Variants in PRPF31 observed in about 807,000 individuals in gnomAD.
PRPF31 encodes the protein U4/U6 small nuclear ribonucleoprotein Prp31.
PRPF31 carries 12 observed loss-of-function variants against 60.4 expected under a neutral mutation model. The observed-to-expected ratio is 0.20, with a 90% CI of 0.13 to 0.32. The LOEUF is 0.32. Among genes scored for constraint, PRPF31 ranks in the 10% least tolerant of loss-of-function variants. PRPF31 has a pLI of 1.00. For missense variants in PRPF31, 431 were observed against 687.1 expected, an observed-to-expected ratio of 0.63 and a Z score of 4.17; for synonymous variants, 287 against 287.9, an observed-to-expected ratio of 1.00 and a Z score of 0.03.
At chr19:54,130,634 A>AG (rs2074029428) in intron 13 of PRPF31, among the ~76,000 whole-genome samples, 1 of 151,032 alleles carries the variant, frequency 6.6e-6, no homozygotes, top group South Asian at 2.1e-4. Context: ...CAAAAAAAAA[A>AG]AAAAGAAGGC....
chr19:54,117,236 TG>T (rs377353247), intron 1 of PRPF31, among the ~76,000 whole-genome samples: 27 of 151,800 alleles, frequency 1.8e-4, no homozygotes, highest in African/African-American at 6.3e-4. Flanking sequence ...GCAGAGGAAG[TG>T]GGGGGTGGTG....
intron 13 of PRPF31, 33 bp downstream of exon 13, chr19:54,129,403 C>A: frequency 6.4e-7 from 1 of 1,560,428 alleles, no homozygotes; most frequent in Non-Finnish European, 8.7e-7. Flanking sequence ...GTCCCCAGCC[C>A]TGAGACCTTG....
intron 1 of PRPF31, 106 bp from the exon 2 acceptor site, chr19:54,118,165 G>A (rs2073696698): frequency 8.0e-6 from 12 of 1,495,220 alleles, no homozygotes; most frequent in Non-Finnish European, 1.1e-5. Flanking sequence ...ATGCTAGTGG[G>A]GTTGATAAAG....
At chr19:54,127,711 G>A (rs1229566982) in intron 9 of PRPF31, among the ~76,000 whole-genome samples, 1 of 152,140 alleles carries the variant, frequency 6.6e-6, no homozygotes, top group African/African-American at 2.4e-5. Flanking sequence ...ACTGTCGTTT[G>A]CCAAGCACCC....
In PRPF31 at chr19:54,129,267, C is replaced by G; in HGVS notation, c.1276-5C>G. ...CAGATCGCAGCCTCCCTGTCCTCCC[C>G]ACAGCGGACCCTGCAGAAGCAGAGC... On this transcript the variant is annotated splice_polypyrimidine_tract_variant and splice_region_variant and intron_variant, in intron 12 of 13. Transcript: ENST00000321030. 1 of 1,610,768 alleles carries G rather than the reference C, an allele frequency of 6.2e-7. No individual in the cohort carries two copies. Among genetic ancestry groups the G allele is most frequent in the Admixed American group, 1.7e-5 (1 of 59,776 alleles).
At chr19:54,123,094 A>G (rs1447978841) in intron 5 of PRPF31, 1 of 485,390 alleles carries the variant, frequency 2.1e-6, no homozygotes, top group Non-Finnish European at 3.8e-6. Flanking sequence ...GTCCCCACGC[A>G]TGTCCAGGAA....
Position 54,128,111 on chromosome 19 carries a change from C to T in PRPF31, c.984C>T (p.Phe328=), listed in dbSNP as rs202206056. Residue 328 remains phenylalanine (F), a synonymous_variant, in exon 10 of 14, where the codon TTC becomes TTT. Transcript: ENST00000321030. ...TGAAGGATGAGATCGAGCGCAAATTCGACAAGTGGCAGGAGCCGCCGCCTG... is the reference window on the plus strand; with the variant it reads ...TGAAGGATGAGATCGAGCGCAAATTTGACAAGTGGCAGGAGCCGCCGCCTG... The part of the protein sequence containing the change: ...YELKDEIERK[F]DKWQEPPPVK... 49 of 1,550,348 alleles carry T rather than the reference C, an allele frequency of 3.2e-5. No individual in the cohort carries two copies. Among genetic ancestry groups the T allele is most frequent in the African/African-American group, 9.5e-5 (7 of 73,378 alleles).
rs1215801307 is a variant in PRPF31 at position 54,120,713 on chromosome 19, C to A, written c.239-1147C>A. On this transcript the variant is annotated intron_variant, in intron 3 of 13. Coordinates refer to ENST00000321030, the MANE Select transcript of PRPF31 (RefSeq NM_015629.4). ...GCAGCCTTGACCTTGTGGGCTCAGG[C>A]GTTCCTGCCTCAGCCTCCCAGGCAG... 5.9e-5 allele frequency among the ~76,000 whole-genome samples: 9 copies of A among 152,292 alleles called. No individual in the cohort carries two copies. In the East Asian group the frequency reaches 1.7e-3, roughly 29 times the overall value.
At chr19:54,118,949 T>A (rs587632492) in intron 3 of PRPF31, 1 of 416,224 alleles carries the variant, frequency 2.4e-6, no homozygotes, top group South Asian at 6.4e-5. Flanking sequence ...ATCCTATTAT[T>A]TGCTTAACAT....
At chr19:54,123,660 G>GCA (rs35291886) in intron 6 of PRPF31, 89 bp from the exon 7 acceptor site, 82 of 1,576,560 alleles carry the variant, frequency 5.2e-5, no homozygotes, top group East Asian at 9.2e-5. Flanking sequence ...ATACACACAT[G>GCA]CACACACACA....
At position 54,118,465 on chromosome 19, in the gene PRPF31, C is replaced by T; in HGVS notation, c.177+10C>T. 6.2e-7 allele frequency: 1 copy of T among 1,614,048 alleles called. No homozygotes were observed. Among genetic ancestry groups the T allele is most frequent in the Non-Finnish European group, 8.5e-7 (1 of 1,179,996 alleles). ...ATGGGATAGTAAGATGGTAAGAGGA[C>T]AAGAGGTGTTCCTAGCAGGGGGCTC... On this transcript the variant is annotated intron_variant, in intron 2 of 13. Coordinates refer to ENST00000321030, the MANE Select transcript of PRPF31 (RefSeq NM_015629.4).
intron 8 of PRPF31, 65 bp downstream of exon 8, chr19:54,124,721 C>A: frequency 6.4e-7 from 1 of 1,551,536 alleles, no homozygotes; most frequent in South Asian, 1.1e-5. Flanking sequence ...GCCCAGACAG[C>A]CTGAGCAGCC....
chr19:54,122,635 G>A (rs760849663), intron 5 of PRPF31, 41 bp downstream of exon 5: 3 of 1,512,138 alleles, frequency 2.0e-6, no homozygotes, highest in Non-Finnish European at 1.8e-6. Context: ...TGGCGTGAAG[G>A]GGCAGGCGGG....
At chr19:54,124,734 C>G in intron 8 of PRPF31, 78 bp downstream of exon 8, 11 of 1,514,656 alleles carry the variant, frequency 7.3e-6, no homozygotes, top group Middle Eastern at 3.7e-4. Flanking sequence ...GAGCAGCCAC[C>G]CACCATCTGG....
At chr19:54,122,202 C>T in intron 4 of PRPF31, 2 of 626,362 alleles carry the variant, frequency 3.2e-6, no homozygotes, top group Admixed American at 2.5e-5. Context: ...CCACCTGCCT[C>T]ACGGTGCGAG....
Position 54,124,560 on chromosome 19 carries a change from G to A in PRPF31, c.759G>A (p.Gly253=). ...KMPACNIMLL[G]AQRKTLSGFS... ...CCGCCTGCAACATCATGCTGCTCGG[G>A]GCCCAGCGCAAGACGCTGTCGGGCT... Residue 253 remains glycine (G), a synonymous_variant, in exon 8 of 14, where the codon GGG becomes GGA. Transcript: ENST00000321030. 3 of 1,612,878 alleles carry A rather than the reference G, an allele frequency of 1.9e-6. No individual in the cohort carries two copies. Among genetic ancestry groups the A allele is most frequent in the Non-Finnish European group, 2.5e-6 (3 of 1,179,844 alleles).
At chr19:54,128,526 G>A (rs587622325) in intron 11 of PRPF31, 149 bp downstream of exon 11, 17 of 843,324 alleles carry the variant, frequency 2.0e-5, no homozygotes, top group South Asian at 1.0e-4. Context: ...CTCTATTCTC[G>A]TTTCCATCCG....
chr19:54,117,138 C>T (rs1483904702), intron 1 of PRPF31, among the ~76,000 whole-genome samples: 2 of 152,020 alleles, frequency 1.3e-5, no homozygotes, highest in African/African-American at 4.8e-5. Context: ...AGGAAAGGGC[C>T]ACTTTAGTTA....
chr19:54,121,807 C>A (rs587643550), intron 3 of PRPF31, 53 bp from the exon 4 acceptor site: 9 of 1,537,320 alleles, frequency 5.9e-6, no homozygotes, highest in East Asian at 4.8e-5. Flanking sequence ...CTGCGGGACC[C>A]GAGAGGGGGT....
Sources: gnomAD v4.1 joint callset for allele counts (sites outside exome capture counted in the v4.1 genomes callset) on GRCh38, gnomAD v4.1.1 for gene constraint, MANE v1.5 for transcripts, NCBI Gene and HGNC (gene_info 2026-07-23, HGNC 2026-07-21) for gene names.